Variants in GALNT16 observed in about 807,000 individuals in gnomAD.
GALNT16 encodes the protein polypeptide N-acetylgalactosaminyltransferase 16.
GALNT16 carries 40 observed loss-of-function variants against 76.1 expected under a neutral mutation model. The observed-to-expected ratio is 0.53, with a 90% CI of 0.41 to 0.68. The LOEUF is 0.68. GALNT16 is among the 30% of genes least tolerant of loss of function. The pLI is 0.00. For synonymous variants in GALNT16, 276 were observed against 285.2 expected (o/e 0.97, Z 0.32); for missense variants, 621 against 731.9 (o/e 0.85, Z 1.75).
chr14:69,295,879 A>G (rs867946088), intron 1 of GALNT16, among the ~76,000 whole-genome samples: 3 of 152,172 alleles, frequency 2.0e-5, no homozygotes, highest in African/African-American at 7.2e-5. Context: ...TTCACTCTGG[A>G]AAGTCCTATC....
Position 69,332,826 on chromosome 14 carries a change from C to CTT in GALNT16, c.779-243_779-242dup, listed in dbSNP as rs763996589. Reference sequence around the variant, plus strand: ...ATGGGCACTCCTTCTTTGTTTTCTTCTTTTTTTTTTTTTTTTTAGTACTTT... The same window carrying CTT: ...ATGGGCACTCCTTCTTTGTTTTCTTCTTTTTTTTTTTTTTTTTTTAGTACTTT... On this transcript the variant is annotated intron_variant, in intron 7 of 14. Coordinates refer to ENST00000448469, the MANE Select transcript of GALNT16 (RefSeq NM_001168368.2). 9.8e-3 allele frequency among the ~76,000 whole-genome samples: 1,137 copies of CTT among 115,970 alleles called. 15 individuals carry two copies. The highest frequency in any genetic ancestry group is 0.026 in the African/African-American group (900 of 34,290). The allele number at this position is 115,970 out of a possible 152,430, so 76.1% of individuals were successfully genotyped here. A position where few individuals can be genotyped will look rare whatever the true frequency, so the allele number is the denominator to read the frequency against.
intron 1 of GALNT16, among the ~76,000 whole-genome samples, chr14:69,284,067 T>C (rs2044578075): frequency 6.6e-6 from 1 of 152,188 alleles, no homozygotes. Context: ...TTCCTGCTTT[T>C]TGGGTGCTCA....
chr14:69,362,110 T>C, the GALNT16 span, among the ~76,000 whole-genome samples: 1 of 152,292 alleles, frequency 6.6e-6, no homozygotes, highest in Non-Finnish European at 1.5e-5. Context: ...TGGAGGCGAT[T>C]GCGAATGGTC....
intron 1 of GALNT16, 183 bp downstream of exon 1, chr14:69,260,650 G>A: frequency 3.0e-6 from 1 of 333,554 alleles, no homozygotes; most frequent in Non-Finnish European, 5.1e-6. Flanking sequence ...GGCGGGGCTG[G>A]GGCGCACCGA....
At chr14:69,274,837 G>A (rs2044451085) in intron 1 of GALNT16, among the ~76,000 whole-genome samples, 1 of 152,150 alleles carries the variant, frequency 6.6e-6, no homozygotes, top group South Asian at 2.1e-4. Flanking sequence ...CAGAACAGCA[G>A]GCCTGAGCTG....
chr14:69,289,288 T>C (rs957053003), intron 1 of GALNT16, among the ~76,000 whole-genome samples: 1 of 152,160 alleles, frequency 6.6e-6, no homozygotes, highest in Non-Finnish European at 1.5e-5. Context: ...ACACTTGAAC[T>C]TGTATGAGGC....
At chr14:69,370,376 G>A in the GALNT16 span, among the ~76,000 whole-genome samples, 3 of 152,182 alleles carry the variant, frequency 2.0e-5, no homozygotes, top group African/African-American at 7.2e-5. Context: ...AGAGGGTGGG[G>A]CAGCGTATCC....
At chr14:69,289,865 C>G (rs998706289) in intron 1 of GALNT16, among the ~76,000 whole-genome samples, 2 of 152,130 alleles carry the variant, frequency 1.3e-5, no homozygotes, top group Non-Finnish European at 2.9e-5. Context: ...TCCCGAATAG[C>G]TGGGACTACA....
At chr14:69,318,491 A>T (rs1446385289) in intron 1 of GALNT16, among the ~76,000 whole-genome samples, 1 of 152,208 alleles carries the variant, frequency 6.6e-6, no homozygotes, top group Non-Finnish European at 1.5e-5. Context: ...GAATGCATGC[A>T]TGAATGGATG....
intron 1 of GALNT16, among the ~76,000 whole-genome samples, chr14:69,311,027 G>A (rs2045012765): frequency 6.6e-6 from 1 of 152,236 alleles, no homozygotes; most frequent in African/African-American, 2.4e-5. Flanking sequence ...CCAGGGGCAT[G>A]GTCTTATTGA....
At chr14:69,339,469 G>T in intron 10 of GALNT16, 58 bp from the exon 11 acceptor site, 1 of 995,038 alleles carries the variant, frequency 1.0e-6, no homozygotes, top group South Asian at 1.3e-5. Context: ...TCTTGATCCT[G>T]ACCGCTAACC....
the GALNT16 span, among the ~76,000 whole-genome samples, chr14:69,372,491 CTTTTTTT>C: frequency 2.4e-3 from 251 of 103,780 alleles, 2 homozygotes; most frequent in Middle Eastern, 6.8e-3. Flanking sequence ...GATCATTAGC[CTTTTTTT>C]TTTTTTTTTT....
intron 6 of GALNT16, among the ~76,000 whole-genome samples, chr14:69,329,915 A>T (rs2140176690): frequency 6.6e-6 from 1 of 152,232 alleles, no homozygotes; most frequent in East Asian, 1.9e-4. Context: ...AACCTTGGGG[A>T]TTACATTTCA....
chr14:69,320,778 G>C lies in GALNT16; in HGVS notation c.245G>C (p.Gly82Ala), dbSNP rs749840725. Reference protein sequence around the residue: ...AYLSAKQLKAGEDPYRQHAFN... With the variant: ...AYLSAKQLKAAEDPYRQHAFN... The stretch of plus-strand genomic sequence containing the variant: ...CTGTCGGCCAAGCAGCTGAAGGCTG[G>C]AGAGGACCCCTACAGACAGCACGCC... Residue 82 changes from glycine (G) to alanine (A), a missense_variant, in exon 2 of 15, where the codon GGA becomes GCA. Physicochemically the swap from Gly to Ala is moderately conservative, Grantham distance 60. Transcript: ENST00000448469. The C allele has an allele frequency of 1.9e-6, 3 of 1,614,100 alleles. No individual in the cohort carries two copies. The highest frequency in any genetic ancestry group is 4.5e-5 in the East Asian group (2 of 44,890).
chr14:69,270,068 T>G (rs527649149), intron 1 of GALNT16, among the ~76,000 whole-genome samples: 3 of 152,080 alleles, frequency 2.0e-5, no homozygotes, highest in Admixed American at 1.3e-4. Flanking sequence ...TCTGGTACAG[T>G]TGGGACTCTG....
intron 14 of GALNT16, chr14:69,349,954 C>T (rs945269739): frequency 2.0e-5 from 3 of 152,196 alleles, no homozygotes; most frequent in African/African-American, 7.2e-5. Flanking sequence ...TGGCTCATGC[C>T]TGTAATCCCA....
chr14:69,373,705 CTTT>C, the GALNT16 span, among the ~76,000 whole-genome samples: 2 of 152,188 alleles, frequency 1.3e-5, no homozygotes, highest in East Asian at 3.9e-4. Context: ...TCTTCTTTCT[CTTT>C]TTCTTTTCTT....
intron 1 of GALNT16, among the ~76,000 whole-genome samples, chr14:69,272,725 A>AT (rs2044421739): frequency 6.6e-6 from 1 of 152,102 alleles, no homozygotes; most frequent in African/African-American, 2.4e-5. Flanking sequence ...CAAGTCTACC[A>AT]TTTTTTATCT....
At position 69,260,486 on chromosome 14, in the gene GALNT16, T is replaced by C. The variant is rs1236835317; in HGVS notation, c.177+19T>C. On this transcript the variant is annotated intron_variant, in intron 1 of 14. Transcript: ENST00000448469. ...GCTCATTGTGAGTACGCCCCGAGCG[T>C]CGGCCGGCCGGCTAGGGAGCCGCGG... The C allele has an allele frequency of 2.2e-6, 3 of 1,361,382 alleles. No individual in the cohort carries two copies. The highest frequency in any genetic ancestry group is 1.9e-5 in the South Asian group (1 of 52,774). The allele number at this position is 1,361,382 out of a possible 1,614,324, so 84.3% of individuals were successfully genotyped here.
Sources: allele counts gnomAD v4.1 joint callset (sites outside exome capture counted in the v4.1 genomes callset), GRCh38; gene constraint gnomAD v4.1.1; transcripts MANE v1.5; gene names NCBI Gene and HGNC (gene_info 2026-07-23, HGNC 2026-07-21).